The following CRIM1 variants were observed in gnomAD, a reference collection of about 807,000 sequenced individuals.
CRIM1 encodes the protein cysteine rich transmembrane BMP regulator 1, also known as cysteine-rich motor neuron 1 protein.
In CRIM1, 32 loss-of-function variants were observed where a neutral mutation model predicts 116.4. The ratio of observed to expected loss-of-function variants is 0.27; its 90% confidence interval spans 0.21 to 0.37. The LOEUF (loss-of-function observed/expected upper bound fraction) is 0.37. Among genes scored for constraint, CRIM1 ranks in the 10% least tolerant of loss-of-function variants. The pLI is 1.00. For missense variants in CRIM1, 1,331 were observed against 1,354.8 expected (o/e 0.98, Z 0.28); for synonymous variants, 590 against 509.2 (o/e 1.16, Z -2.13).
intron 2 of CRIM1, among the ~76,000 whole-genome samples, chr2:36,430,945 C>T (rs1238104525): frequency 6.6e-6 from 1 of 152,164 alleles, no homozygotes; most frequent in East Asian, 1.9e-4. Flanking sequence ...GGAGAAATTA[C>T]CTATATAAGG....
At chr2:36,480,299 C>T (rs1679307285) in intron 7 of CRIM1, among the ~76,000 whole-genome samples, 1 of 152,156 alleles carries the variant, frequency 6.6e-6, no homozygotes, top group Non-Finnish European at 1.5e-5. Flanking sequence ...GTCCCGACTC[C>T]TATTCCAGCT....
intron 1 of CRIM1, chr2:36,378,707 C>T (rs181234490): frequency 6.4e-6 from 1 of 157,288 alleles, no homozygotes; most frequent in East Asian, 1.8e-4. Context: ...AGTCCTCTGA[C>T]CTCAGTCATT....
At chr2:36,427,272 C>A (rs965087585) in intron 2 of CRIM1, among the ~76,000 whole-genome samples, 2 of 151,972 alleles carry the variant, frequency 1.3e-5, no homozygotes, top group African/African-American at 2.4e-5. Context: ...TGGCTTCATC[C>A]TCCTCATTTG....
chr2:36,442,813 G>A, intron 4 of CRIM1, 78 bp downstream of exon 4: 1 of 1,551,640 alleles, frequency 6.4e-7, no homozygotes, highest in South Asian at 1.1e-5. Context: ...CATGCAGTTT[G>A]TTTTCCCATG....
rs368329511 is a variant in CRIM1 at position 36,537,315 on chromosome 2, C to T, written c.2429-37C>T. ...TCTAATAAGATCGTGTGCGTTGTCA[C>T]ATCAGCGACTCCATCATGTGCTGTT... On this transcript the variant is annotated intron_variant, in intron 13 of 16. Coordinates refer to ENST00000280527, the MANE Select transcript of CRIM1 (RefSeq NM_016441.3). 5.2e-4 allele frequency: 830 copies of T among 1,587,064 alleles called. 1 individual carries two copies. Among genetic ancestry groups the T allele is most frequent in the Non-Finnish European group, 6.6e-4 (769 of 1,156,420 alleles).
chr2:36,479,879 G>T (rs981197914), intron 7 of CRIM1, among the ~76,000 whole-genome samples, 185 bp downstream of exon 7: 1 of 152,240 alleles, frequency 6.6e-6, no homozygotes, highest in Non-Finnish European at 1.5e-5. Flanking sequence ...CATGTGAAAT[G>T]AGAATAGTGT....
intron 4 of CRIM1, among the ~76,000 whole-genome samples, chr2:36,459,657 G>A (rs1677427560): frequency 6.6e-6 from 1 of 152,136 alleles, no homozygotes; most frequent in African/African-American, 2.4e-5. Flanking sequence ...GGTCTTACAG[G>A]GTAGATGGTC....
At chr2:36,526,328 G>A (rs906495308) in intron 13 of CRIM1, among the ~76,000 whole-genome samples, 1 of 152,188 alleles carries the variant, frequency 6.6e-6, no homozygotes, top group Non-Finnish European at 1.5e-5. Flanking sequence ...AGGTCTGGTG[G>A]GAATTCTGAT....
At chr2:36,522,384 T>C (rs373606856) in intron 13 of CRIM1, 71 bp downstream of exon 13, 4 of 1,198,236 alleles carry the variant, frequency 3.3e-6, no homozygotes, top group Non-Finnish European at 3.7e-6. Flanking sequence ...AGCCATTTGC[T>C]AGATCAATTA....
At chr2:36,382,179 C>A (rs2148338300) in intron 1 of CRIM1, among the ~76,000 whole-genome samples, 1 of 152,322 alleles carries the variant, frequency 6.6e-6, no homozygotes, top group Admixed American at 6.5e-5. Context: ...CCTCAGTAAA[C>A]CCCTGTGGAA....
intron 1 of CRIM1, among the ~76,000 whole-genome samples, chr2:36,359,205 A>G (rs1669057825): frequency 6.6e-6 from 1 of 152,338 alleles, no homozygotes; most frequent in East Asian, 1.9e-4. Context: ...CAATTTTTGC[A>G]CTAAAATGAC....
At chr2:36,521,372 GT>G (rs1017013855) in intron 12 of CRIM1, among the ~76,000 whole-genome samples, 15 of 152,254 alleles carry the variant, frequency 9.9e-5, no homozygotes, top group African/African-American at 3.4e-4. Flanking sequence ...CATTTAGGTG[GT>G]TTTTGGTAGT....
chr2:36,464,783 T>G, intron 5 of CRIM1, 128 bp downstream of exon 5: 1 of 1,107,632 alleles, frequency 9.0e-7, no homozygotes, highest in South Asian at 1.5e-5. Flanking sequence ...TGAAGGGCAC[T>G]CAAAAAGGTT....
intron 2 of CRIM1, among the ~76,000 whole-genome samples, chr2:36,402,473 C>T (rs896940297): frequency 5.9e-5 from 9 of 151,840 alleles, no homozygotes; most frequent in African/African-American, 2.2e-4. Flanking sequence ...GGCCAGACCA[C>T]CTGAGCCCTT....
At chr2:36,470,853 C>A (rs780889595) in intron 5 of CRIM1, among the ~76,000 whole-genome samples, 8 of 152,094 alleles carry the variant, frequency 5.3e-5, no homozygotes, top group Non-Finnish European at 1.0e-4. Context: ...AGAACTAAAT[C>A]AATTGAAAAC....
intron 1 of CRIM1, among the ~76,000 whole-genome samples, chr2:36,383,800 A>AG (rs1670965982): frequency 6.6e-6 from 1 of 152,190 alleles, no homozygotes; most frequent in African/African-American, 2.4e-5. Flanking sequence ...GGTAGACCGG[A>AG]GGAAAAAAAA....
intron 4 of CRIM1, among the ~76,000 whole-genome samples, chr2:36,454,084 G>A (rs1394851237): frequency 1.3e-5 from 2 of 152,130 alleles, no homozygotes; most frequent in African/African-American, 4.8e-5. Context: ...TACAAGTGAA[G>A]ACGCTTCTTA....
intron 1 of CRIM1, among the ~76,000 whole-genome samples, chr2:36,385,789 A>G (rs570989113): frequency 1.2e-4 from 19 of 152,268 alleles, no homozygotes; most frequent in African/African-American, 4.6e-4. Flanking sequence ...GTGACAGCCT[A>G]TATGGGATTT....
chr2:36,368,425 T>G (rs1489696750), intron 1 of CRIM1, among the ~76,000 whole-genome samples: 1 of 152,232 alleles, frequency 6.6e-6, no homozygotes, highest in African/African-American at 2.4e-5. Flanking sequence ...TCACCCTTCC[T>G]TTGCATGTTG....
Sources: allele counts gnomAD v4.1 joint callset (sites outside exome capture counted in the v4.1 genomes callset), GRCh38; gene constraint gnomAD v4.1.1; transcripts MANE v1.5; gene names NCBI Gene and HGNC (gene_info 2026-07-23, HGNC 2026-07-21).